The following SAR1B variants were observed in gnomAD, a reference collection of about 807,000 sequenced individuals.
The protein encoded by SAR1B is secretion associated Ras related GTPase 1B, also known as small COPII coat GTPase SAR1B.
SAR1B carries 23 observed loss-of-function variants against 26.8 expected under a neutral mutation model. The observed-to-expected ratio is 0.86, with a 90% CI of 0.62 to 1.22. The LOEUF is 1.22. Among genes scored for constraint, SAR1B ranks in the 50% most tolerant of loss-of-function variants. The pLI, the probability that SAR1B is intolerant of heterozygous loss-of-function variation, is 0.00. For synonymous variants in SAR1B, 65 were observed against 80.8 expected (o/e 0.80, Z 1.05); for missense variants, 196 against 232.8 (o/e 0.84, Z 1.03).
Position 134,623,991 on chromosome 5 carries a change from CTGT to C in SAR1B, c.26_28del (p.Tyr9_Ser10delinsCys). 1 of 1,611,966 alleles carries C rather than the reference CTGT, an allele frequency of 6.2e-7. No individual in the cohort carries two copies. Among genetic ancestry groups the C allele is most frequent in the Non-Finnish European group, 8.5e-7 (1 of 1,178,138 alleles). On this transcript the variant is annotated inframe_deletion, in exon 2 of 7. Transcript: ENST00000402673. ...AAACTGTAGCACACTGCTGAAACCA[CTGT>C]AAATCCAATCAAATATGAAGGACAT...
chr5:134,614,290 C>T (rs1388049212), intron 3 of SAR1B: 8 of 152,200 alleles, frequency 5.3e-5, no homozygotes, highest in Non-Finnish European at 7.3e-5. Flanking sequence ...ACATTCATAA[C>T]GATTGTCTTA....
At chr5:134,612,544 C>T (rs1765231459) in intron 4 of SAR1B, 147 bp downstream of exon 4, 1 of 718,406 alleles carries the variant, frequency 1.4e-6, no homozygotes, top group Non-Finnish European at 2.1e-6. Flanking sequence ...ATTGGGGAGG[C>T]TGAGGCATGA....
chr5:134,620,934 G>A lies in SAR1B; in HGVS notation c.177C>T (p.Pro59=), dbSNP rs1765396801. ...RLGQHVPTLH[P]TSEELTIAGM... is the part of the protein sequence containing the mutation. ...CATTGTATGTAGGAATATACTTACT[G>A]GGATGTAATGTTGGGACATGTTGTC... Residue 59 remains proline, a splice_region_variant and synonymous_variant, in exon 3 of 7, where the codon CCC becomes CCT. Coordinates refer to ENST00000402673, the MANE Select transcript of SAR1B (RefSeq NM_016103.4). The A allele has an allele frequency of 4.3e-6, 7 of 1,613,734 alleles. No homozygotes were observed. In the East Asian group the frequency reaches 1.6e-4, roughly 36 times the overall value.
At chr5:134,623,874 T>C in intron 2 of SAR1B, 88 bp downstream of exon 2, 1 of 887,412 alleles carries the variant, frequency 1.1e-6, no homozygotes, top group South Asian at 1.4e-5. Flanking sequence ...ACTACTGGCT[T>C]ATCTATAAAG....
intron 3 of SAR1B, among the ~76,000 whole-genome samples, chr5:134,615,184 T>TAA (rs1465126285): frequency 1.3e-5 from 2 of 150,192 alleles, no homozygotes; most frequent in Non-Finnish European, 3.0e-5. Flanking sequence ...CCGTCTCTAC[T>TAA]AAAAATACAA....
chr5:134,606,912 G>C lies in SAR1B; in HGVS notation c.*38C>G, dbSNP rs1324151644. 7.7e-7 allele frequency: 1 copy of C among 1,299,280 alleles called. No individual in the cohort carries two copies. The highest frequency in any genetic ancestry group is 1.1e-6 in the Non-Finnish European group (1 of 892,638). 80.5% of individuals were successfully genotyped at this position (1,299,280 alleles called of 1,614,324 possible). The stretch of plus-strand genomic sequence containing the variant: ...GTTGAGCAATCAAATCTCTGAGTAA[G>C]CCTGAACGTTGAGACCTGGAACCAA... On this transcript the variant is annotated 3_prime_UTR_variant, in exon 7 of 7. Coordinates refer to ENST00000402673, the MANE Select transcript of SAR1B (RefSeq NM_016103.4).
At position 134,612,771 on chromosome 5, in the gene SAR1B, A is replaced by T. The variant is rs1337756649; in HGVS notation, c.179-15T>A. On this transcript the variant is annotated splice_polypyrimidine_tract_variant and intron_variant, in intron 3 of 6. Coordinates refer to ENST00000402673, the MANE Select transcript of SAR1B (RefSeq NM_016103.4). ...TTCTTCGGAAGCTAAATAAGATTTT[A>T]AAATATTTTTACATGAAAATTAGAA... 2.5e-6 allele frequency: 4 copies of T among 1,588,932 alleles called. No homozygotes were observed. Among genetic ancestry groups the T allele is most frequent in the Non-Finnish European group, 3.4e-6 (4 of 1,166,702 alleles).
At position 134,612,677 on chromosome 5, in the gene SAR1B, A is replaced by AAAAG; in HGVS notation, c.244+13_244+14insCTTT. 1.9e-6 allele frequency: 2 copies of AAAAG among 1,055,542 alleles called. No homozygotes were observed. The highest frequency in any genetic ancestry group is 2.9e-5 in the Admixed American group (1 of 34,764). 65.4% of individuals were successfully genotyped at this position (1,055,542 alleles called of 1,614,324 possible). ...AAAAAAAAAAAAAAAAAAAAAAAAA[A>AAAAG]AAAAGAATCTTACCTTGAACATGTC... On this transcript the variant is annotated intron_variant, in intron 4 of 6. Transcript: ENST00000402673.
chr5:134,610,507 C>T (rs1765195017), intron 4 of SAR1B, among the ~76,000 whole-genome samples: 1 of 135,536 alleles, frequency 7.4e-6, no homozygotes, highest in African/African-American at 2.8e-5. Flanking sequence ...GTGGAGGTGG[C>T]AGTGAGCCGA....
chr5:134,626,182 C>A (rs1356893719), intron 1 of SAR1B, among the ~76,000 whole-genome samples: 1 of 150,964 alleles, frequency 6.6e-6, no homozygotes, highest in African/African-American at 2.4e-5. Context: ...ACCTGTAATC[C>A]CAGCTACCCA....
At chr5:134,616,151 A>G (rs1378342125) in intron 3 of SAR1B, among the ~76,000 whole-genome samples, 2 of 146,598 alleles carry the variant, frequency 1.4e-5, no homozygotes, top group Non-Finnish European at 3.0e-5. Flanking sequence ...AAAAAAAAAA[A>G]GGGCAGGGCA....
chr5:134,606,759 CAT>C lies in SAR1B; in HGVS notation c.*189_*190del. On this transcript the variant is annotated 3_prime_UTR_variant, in exon 7 of 7. Coordinates refer to ENST00000402673, the MANE Select transcript of SAR1B (RefSeq NM_016103.4). ...TACTTTTATGGAATTAGAAAGCTAA[CAT>C]TGTGATACTCAAACTTACTTGAATC... is the stretch of plus-strand genomic sequence containing the variant. 1.7e-6 allele frequency: 1 copy of C among 580,552 alleles called. No homozygotes were observed. Among genetic ancestry groups the C allele is most frequent in the Non-Finnish European group, 3.1e-6 (1 of 319,358 alleles). The allele number at this position is 580,552 out of a possible 1,614,324, so 36.0% of individuals were successfully genotyped here.
chr5:134,625,117 T>C (rs1029452883), intron 1 of SAR1B, among the ~76,000 whole-genome samples: 3 of 152,188 alleles, frequency 2.0e-5, no homozygotes, highest in East Asian at 1.9e-4. Flanking sequence ...CCAGAAAATT[T>C]GTGGAGGTGG....
rs1765068723 is a variant in SAR1B at position 134,603,185 on chromosome 5, CT to C, written c.*3764del. 6.6e-6 allele frequency: 1 copy of C among 152,204 alleles called. No homozygotes were observed. The highest frequency in any genetic ancestry group is 6.5e-5 in the Admixed American group (1 of 15,278). 9.4% of individuals were successfully genotyped at this position (152,204 alleles called of 1,614,324 possible). On this transcript the variant is annotated 3_prime_UTR_variant, in exon 7 of 7. Coordinates refer to ENST00000402673, the MANE Select transcript of SAR1B (RefSeq NM_016103.4). ...AGAGATTTCCCCTTATGTAGCTATTCTCAGTGCACTCTGGTCAAATTTTACT... is the reference window on the plus strand; with the variant it reads ...AGAGATTTCCCCTTATGTAGCTATTCCAGTGCACTCTGGTCAAATTTTACT...
At chr5:134,622,859 C>T (rs1466026020) in intron 2 of SAR1B, among the ~76,000 whole-genome samples, 1 of 150,788 alleles carries the variant, frequency 6.6e-6, no homozygotes, top group Non-Finnish European at 1.5e-5. Context: ...CAGTGGCTCA[C>T]GCCTGTAATC....
intron 1 of SAR1B, among the ~76,000 whole-genome samples, chr5:134,624,826 C>A (rs1343482115): frequency 1.3e-5 from 2 of 151,970 alleles, no homozygotes; most frequent in Non-Finnish European, 2.9e-5. Context: ...CTGGGCTTCA[C>A]CGTATTGGCC....
intron 6 of SAR1B, among the ~76,000 whole-genome samples, chr5:134,608,132 T>G (rs761538859): frequency 1.5e-4 from 23 of 152,192 alleles, no homozygotes; most frequent in Non-Finnish European, 2.6e-4. Flanking sequence ...AAGCTTTAAT[T>G]TAGTTTCCTA....
chr5:134,631,215 CTTAT>C (rs1421217054), intron 1 of SAR1B, among the ~76,000 whole-genome samples: 1 of 151,890 alleles, frequency 6.6e-6, no homozygotes, highest in African/African-American at 2.4e-5. Context: ...TAAAATATAC[CTTAT>C]TTAAACTGCT....
At position 134,612,684 on chromosome 5, in the gene SAR1B, A is replaced by AAAC; in HGVS notation, c.244+6_244+7insGTT. The stretch of plus-strand genomic sequence containing the variant: ...AAAAAAAAAAAAAAAAAAAAAAAGA[A>AAAC]TCTTACCTTGAACATGTCCACCCAG... On this transcript the variant is annotated splice_region_variant and intron_variant, in intron 4 of 6. Coordinates refer to ENST00000402673, the MANE Select transcript of SAR1B (RefSeq NM_016103.4). The AAAC allele has an allele frequency of 9.8e-7, 1 of 1,017,754 alleles. No homozygotes were observed. The highest frequency in any genetic ancestry group is 1.4e-6 in the Non-Finnish European group (1 of 711,310). The allele number at this position is 1,017,754 out of a possible 1,614,324, so 63.0% of individuals were successfully genotyped here.
Sources: allele counts gnomAD v4.1 joint callset (sites outside exome capture counted in the v4.1 genomes callset), GRCh38; gene constraint gnomAD v4.1.1; transcripts MANE v1.5; gene names NCBI Gene and HGNC (gene_info 2026-07-23, HGNC 2026-07-21).